The following BORCS5 variants were observed in gnomAD, a reference collection of about 807,000 sequenced individuals.
The protein encoded by BORCS5 is BLOC-1-related complex subunit 5.
BORCS5 carries 17 observed loss-of-function variants against 22.1 expected under a neutral mutation model. The observed-to-expected ratio is 0.77, with a 90% CI of 0.53 to 1.15. BORCS5 has a LOEUF of 1.15. Ranked by LOEUF, BORCS5 falls within the 50% of genes most tolerant of loss-of-function variation. BORCS5 has a pLI of 0.00. For missense variants in BORCS5, 247 were observed against 253.2 expected (o/e 0.98, Z 0.17); for synonymous variants, 117 against 99.8 (o/e 1.17, Z -1.03).
chr12:12,439,671 A>T (rs1170680478), intron 3 of BORCS5, among the ~76,000 whole-genome samples: 1 of 152,204 alleles, frequency 6.6e-6, no homozygotes, highest in African/African-American at 2.4e-5. Context: ...TTTGGGATTC[A>T]CTTTGAATAG....
At chr12:12,407,459 A>G (rs1941618472) in intron 2 of BORCS5, among the ~76,000 whole-genome samples, 4 of 151,984 alleles carry the variant, frequency 2.6e-5, no homozygotes, top group Admixed American at 2.6e-4. Flanking sequence ...ATTAAAATCA[A>G]CATACCTGAC....
At chr12:12,463,096 G>A (rs1943140518) in intron 3 of BORCS5, among the ~76,000 whole-genome samples, 1 of 152,160 alleles carries the variant, frequency 6.6e-6, no homozygotes, top group South Asian at 2.1e-4. Context: ...GGCAAATAAG[G>A]ATATATCCCT....
intron 2 of BORCS5, among the ~76,000 whole-genome samples, chr12:12,373,721 G>T (rs1356399353): frequency 1.3e-5 from 2 of 152,078 alleles, no homozygotes; most frequent in East Asian, 3.9e-4. Flanking sequence ...GACAGTGCAG[G>T]TACAAAAAAT....
chr12:12,387,197 T>G (rs977097802), intron 2 of BORCS5, among the ~76,000 whole-genome samples: 3 of 151,516 alleles, frequency 2.0e-5, no homozygotes, highest in East Asian at 3.9e-4. Flanking sequence ...ATCAATAGTT[T>G]GTTCCTTTTA....
At chr12:12,402,836 C>CT (rs913772019) in intron 2 of BORCS5, among the ~76,000 whole-genome samples, 26 of 152,284 alleles carry the variant, frequency 1.7e-4, no homozygotes, top group African/African-American at 6.0e-4. Flanking sequence ...GTTTTAAAGT[C>CT]TTTGTTTCCT....
intron 2 of BORCS5, among the ~76,000 whole-genome samples, chr12:12,397,903 A>G (rs901606655): frequency 1.3e-5 from 2 of 152,136 alleles, no homozygotes; most frequent in African/African-American, 2.4e-5. Context: ...TGGGGCTTAC[A>G]TTTTCCTTAC....
intron 2 of BORCS5, among the ~76,000 whole-genome samples, chr12:12,401,885 T>G (rs545924776): frequency 6.6e-6 from 1 of 151,490 alleles, no homozygotes; most frequent in Non-Finnish European, 1.5e-5. Context: ...GGTGAAACCC[T>G]GTCTCTACTA....
chr12:12,391,170 A>G (rs1456632504), intron 2 of BORCS5, among the ~76,000 whole-genome samples: 1 of 152,062 alleles, frequency 6.6e-6, no homozygotes, highest in African/African-American at 2.4e-5. Flanking sequence ...TAAGTAAGAT[A>G]CTGCAAGGTT....
chr12:12,432,173 T>C (rs1942446920), intron 2 of BORCS5, among the ~76,000 whole-genome samples: 1 of 152,238 alleles, frequency 6.6e-6, no homozygotes, highest in African/African-American at 2.4e-5. Context: ...TGAGGAGTCT[T>C]GGTTTTTGTA....
intron 3 of BORCS5, among the ~76,000 whole-genome samples, chr12:12,461,366 C>T (rs1247000402): frequency 6.6e-6 from 1 of 151,902 alleles, no homozygotes; most frequent in Admixed American, 6.6e-5. Context: ...GAGATGAGGA[C>T]TCAGTGTGTC....
intron 3 of BORCS5, among the ~76,000 whole-genome samples, chr12:12,458,619 C>T (rs1202075477): frequency 6.7e-6 from 1 of 149,544 alleles, no homozygotes; most frequent in Non-Finnish European, 1.5e-5. Flanking sequence ...CGCTCCGTCA[C>T]CCAGGCTGGA....
chr12:12,439,800 G>A (rs1415858405), intron 3 of BORCS5, among the ~76,000 whole-genome samples: 4 of 152,168 alleles, frequency 2.6e-5, no homozygotes, highest in Non-Finnish European at 5.9e-5. Flanking sequence ...CATTGGTGGC[G>A]TAATGTGTCC....
At chr12:12,410,659 A>G (rs1222154637) in intron 2 of BORCS5, among the ~76,000 whole-genome samples, 6 of 152,080 alleles carry the variant, frequency 3.9e-5, no homozygotes, top group South Asian at 4.1e-4. Context: ...GTCAGGTAGT[A>G]TGATGCCTCC....
At chr12:12,359,455 G>A (rs926739785) in intron 1 of BORCS5, among the ~76,000 whole-genome samples, 19 of 150,592 alleles carry the variant, frequency 1.3e-4, no homozygotes, top group Admixed American at 8.7e-4. Flanking sequence ...TCCGCCTCCC[G>A]GATTCAAGCA....
At chr12:12,460,048 C>G (rs559235885) in intron 3 of BORCS5, among the ~76,000 whole-genome samples, 6 of 152,298 alleles carry the variant, frequency 3.9e-5, no homozygotes, top group Middle Eastern at 3.4e-3. Flanking sequence ...TCCTGTAAAA[C>G]AATGCCTTCT....
At chr12:12,421,843 G>A (rs1408073720) in intron 2 of BORCS5, among the ~76,000 whole-genome samples, 1 of 152,190 alleles carries the variant, frequency 6.6e-6, no homozygotes, top group African/African-American at 2.4e-5. Flanking sequence ...TTGTGTAGAA[G>A]TGTTTATAGT....
intron 2 of BORCS5, 45 bp from the exon 3 acceptor site, chr12:12,435,583 A>T (rs1161510224): frequency 2.6e-6 from 4 of 1,539,834 alleles, no homozygotes. Flanking sequence ...TCACAAGTTT[A>T]TTAGCAGTAA....
chr12:12,411,698 C>G (rs1592098845), intron 2 of BORCS5, among the ~76,000 whole-genome samples: 1 of 152,170 alleles, frequency 6.6e-6, no homozygotes, highest in East Asian at 1.9e-4. Flanking sequence ...TGTCATGAAA[C>G]TTTTGCCTGC....
At chr12:12,361,069 T>G in intron 1 of BORCS5, 137 bp from the exon 2 acceptor site, 1 of 797,518 alleles carries the variant, frequency 1.3e-6, no homozygotes, top group South Asian at 1.8e-5. Context: ...CTATAATTCA[T>G]CCCTGCCACC....
Sources: allele counts gnomAD v4.1 joint callset (sites outside exome capture counted in the v4.1 genomes callset), GRCh38; gene constraint gnomAD v4.1.1; transcripts MANE v1.5; gene names NCBI Gene and HGNC (gene_info 2026-07-23, HGNC 2026-07-21).